FMN1: variants seen among roughly 807,000 people sequenced by gnomAD.
FMN1 encodes formin 1.
Under a neutral mutation model 132.4 loss-of-function variants are expected in FMN1, and 110 were observed. The observed-to-expected ratio is 0.83, with a 90% CI of 0.71 to 0.97. The LOEUF (loss-of-function observed/expected upper bound fraction) is 0.97. Among genes scored for constraint, FMN1 ranks in the 50% least tolerant of loss-of-function variants. The pLI is 0.00. For missense variants in FMN1, 1,792 were observed against 1,705.3 expected (o/e 1.05, Z -0.90); for synonymous variants, 722 against 651.7 (o/e 1.11, Z -1.64).
chr15:32,785,179 T>TATACGTAC (rs2140911585), intron 19 of FMN1, among the ~76,000 whole-genome samples: 1 of 39,398 alleles, frequency 2.5e-5, no homozygotes, highest in South Asian at 1.0e-3. Context: ...TGTGTGTGTG[T>TATACGTAC]GTGTGTGTGT....
At chr15:32,889,331 A>G (rs1351039092) in intron 15 of FMN1, among the ~76,000 whole-genome samples, 1 of 152,180 alleles carries the variant, frequency 6.6e-6, no homozygotes, top group African/African-American at 2.4e-5. Flanking sequence ...TGTTTAACGT[A>G]AGCTTTGTAT....
intron 3 of FMN1, among the ~76,000 whole-genome samples, chr15:33,167,138 T>A (rs1385262880): frequency 6.6e-6 from 1 of 152,180 alleles, no homozygotes; most frequent in Non-Finnish European, 1.5e-5. Flanking sequence ...TTTGGCTGTG[T>A]CCCCACCCAA....
At chr15:32,963,068 C>T (rs1382723151) in intron 9 of FMN1, among the ~76,000 whole-genome samples, 1 of 147,176 alleles carries the variant, frequency 6.8e-6, no homozygotes, top group African/African-American at 2.7e-5. Context: ...GCATTATTCA[C>T]AATAGCAAAG....
intron 5 of FMN1, among the ~76,000 whole-genome samples, chr15:33,077,353 TAA>T (rs1491542244): frequency 6.9e-4 from 67 of 97,506 alleles, no homozygotes; most frequent in African/African-American, 2.1e-3. Flanking sequence ...TTTTTTTTTT[TAA>T]TATATATATA....
chr15:32,775,185 A>G (rs2056376957), intron 20 of FMN1, among the ~76,000 whole-genome samples: 1 of 152,198 alleles, frequency 6.6e-6, no homozygotes, highest in African/African-American at 2.4e-5. Context: ...GCAGTGAATT[A>G]CTAAATTGGC....
intron 19 of FMN1, among the ~76,000 whole-genome samples, chr15:32,797,123 C>T (rs886845993): frequency 1.3e-5 from 2 of 152,126 alleles, no homozygotes; most frequent in African/African-American, 2.4e-5. Flanking sequence ...CTGGATACCA[C>T]CTCTATGACA....
At chr15:33,046,525 A>C (rs1055164822) in intron 6 of FMN1, among the ~76,000 whole-genome samples, 1 of 152,218 alleles carries the variant, frequency 6.6e-6, no homozygotes, top group Admixed American at 6.5e-5. Flanking sequence ...CTGGCCAGAA[A>C]GAAAAATGCT....
intron 19 of FMN1, among the ~76,000 whole-genome samples, chr15:32,782,866 T>G (rs2056709010): frequency 6.6e-6 from 1 of 152,186 alleles, no homozygotes; most frequent in Non-Finnish European, 1.5e-5. Context: ...TAGATGGAGC[T>G]GCAGATCATT....
intron 7 of FMN1, among the ~76,000 whole-genome samples, chr15:32,992,321 T>C (rs1412876134): frequency 6.6e-6 from 1 of 152,190 alleles, no homozygotes; most frequent in African/African-American, 2.4e-5. Context: ...GAAAATAAAG[T>C]ATCAAAAAGA....
chr15:32,935,362 T>C (rs2061239276), intron 9 of FMN1, among the ~76,000 whole-genome samples: 1 of 152,206 alleles, frequency 6.6e-6, no homozygotes, highest in South Asian at 2.1e-4. Context: ...CTTATATGAG[T>C]TGCTTTTCAC....
rs2034431198 is a variant in FMN1 at position 33,006,605 on chromosome 15, T to C, written c.2223+1409A>G. The stretch of plus-strand genomic sequence containing the variant: ...CTACACTCTCATGTTGACTGCAGCG[T>C]TATTCACAAAAGCCAAGATATGGAA... On this transcript the variant is annotated intron_variant, in intron 7 of 20. Transcript: ENST00000616417. 2.0e-5 allele frequency among the ~76,000 whole-genome samples: 3 copies of C among 152,206 alleles called. 1 individual carries two copies. The highest frequency in any genetic ancestry group is 2.0e-4 in the Admixed American group (3 of 15,270).
chr15:33,093,275 A>G (rs2038966370), intron 4 of FMN1, among the ~76,000 whole-genome samples: 1 of 152,258 alleles, frequency 6.6e-6, no homozygotes, highest in Admixed American at 6.5e-5. Context: ...ACTACATAAA[A>G]TAAACCCTAA....
At chr15:33,165,585 G>A (rs577442620) in intron 3 of FMN1, among the ~76,000 whole-genome samples, 1 of 152,236 alleles carries the variant, frequency 6.6e-6, no homozygotes, top group African/African-American at 2.4e-5. Flanking sequence ...TAGAGACGGG[G>A]TTTCACTGTG....
At chr15:32,935,634 T>C (rs1418468667) in intron 9 of FMN1, among the ~76,000 whole-genome samples, 1 of 125,610 alleles carries the variant, frequency 8.0e-6, no homozygotes, top group Non-Finnish European at 1.9e-5. Context: ...TTCTTTACTC[T>C]TTTTTTTTTT....
At chr15:32,930,722 G>A (rs550896133) in intron 9 of FMN1, among the ~76,000 whole-genome samples, 1 of 151,334 alleles carries the variant, frequency 6.6e-6, no homozygotes. Flanking sequence ...GCTTTTTTTG[G>A]GGGGGGGCGG....
At chr15:33,065,124 A>G (rs1595388139) in intron 5 of FMN1, 50 bp from the exon 6 acceptor site, 1 of 1,257,274 alleles carries the variant, frequency 8.0e-7, no homozygotes, top group East Asian at 2.4e-5. Flanking sequence ...AGAGCCGATT[A>G]ATTCCTGAAA....
intron 9 of FMN1, among the ~76,000 whole-genome samples, chr15:32,934,598 CTT>C (rs376553575): frequency 3.0e-4 from 38 of 127,056 alleles, no homozygotes; most frequent in Non-Finnish European, 4.0e-4. Flanking sequence ...AATTTTTTTC[CTT>C]TTTTTTTTTT....
chr15:33,079,080 T>C (rs1379124082), intron 5 of FMN1, among the ~76,000 whole-genome samples: 1 of 152,226 alleles, frequency 6.6e-6, no homozygotes, highest in African/African-American at 2.4e-5. Context: ...AAATTCCTCA[T>C]CATTTTATAT....
chr15:32,818,125 TCACA>T (rs995350754), intron 17 of FMN1, among the ~76,000 whole-genome samples: 2 of 152,210 alleles, frequency 1.3e-5, no homozygotes, highest in African/African-American at 2.4e-5. Context: ...ATATTTATAA[TCACA>T]CACTCATTTG....
Sources: gnomAD v4.1 joint callset for allele counts (sites outside exome capture counted in the v4.1 genomes callset) on GRCh38, gnomAD v4.1.1 for gene constraint, MANE v1.5 for transcripts, NCBI Gene and HGNC (gene_info 2026-07-23, HGNC 2026-07-21) for gene names.